The following PCGF3 variants were observed in gnomAD, a reference collection of about 807,000 sequenced individuals.
The protein encoded by PCGF3 is polycomb group RING finger protein 3.
Under a neutral mutation model 33.1 loss-of-function variants are expected in PCGF3, and 7 were observed. That is an observed-to-expected ratio of 0.21 (90% CI 0.12 to 0.40). The LOEUF (loss-of-function observed/expected upper bound fraction) is 0.40, where lower values mean the gene tolerates loss of function less well. PCGF3 is among the 10% of genes least tolerant of loss of function. PCGF3 has a pLI of 1.00. For synonymous variants in PCGF3, 153 were observed against 121.3 expected, an observed-to-expected ratio of 1.26 and a Z score of -1.72; for missense variants, 211 against 313.3, an observed-to-expected ratio of 0.67 and a Z score of 2.46.
intron 1 of PCGF3, among the ~76,000 whole-genome samples, chr4:726,483 C>G (rs554923450): frequency 7.2e-4 from 109 of 152,364 alleles, no homozygotes; most frequent in Non-Finnish European, 1.2e-3. Flanking sequence ...CGAAATTTCC[C>G]TCAGGCCTTG....
chr4:730,029 GTCCC>G (rs1182218659), intron 1 of PCGF3, among the ~76,000 whole-genome samples: 1 of 152,058 alleles, frequency 6.6e-6, no homozygotes, highest in African/African-American at 2.4e-5. Flanking sequence ...TGGGGACTGT[GTCCC>G]TCCCCTGCCC....
chr4:744,646 G>C (rs1560210239), exon 8 of PCGF3: 1 of 1,561,542 alleles, frequency 6.4e-7, no homozygotes. Context: ...CCGCGGAGGA[G>C]AAGCCGGAGG....
At chr4:722,929 C>T (rs1743167935) in intron 1 of PCGF3, among the ~76,000 whole-genome samples, 2 of 133,516 alleles carry the variant, frequency 1.5e-5, no homozygotes, top group African/African-American at 2.9e-5. Flanking sequence ...TCGCCATCCA[C>T]GCCGGGTCCA....
At chr4:737,387 G>T in intron 5 of PCGF3, 79 bp from the exon 6 acceptor site, 2 of 944,432 alleles carry the variant, frequency 2.1e-6, no homozygotes, top group South Asian at 2.7e-5. Flanking sequence ...TCTGAACTTT[G>T]ATATTGTTAA....
intron 6 of PCGF3, among the ~76,000 whole-genome samples, chr4:740,996 C>T (rs183421912): frequency 1.8e-4 from 28 of 152,324 alleles, no homozygotes; most frequent in East Asian, 5.8e-4. Flanking sequence ...GGCTGCACTT[C>T]GAAGCCGCAG....
chr4:728,156 G>A (rs1027020349), intron 1 of PCGF3, among the ~76,000 whole-genome samples: 3 of 152,188 alleles, frequency 2.0e-5, no homozygotes, highest in South Asian at 2.1e-4. Context: ...AGGTGCACCC[G>A]GTTTAATAGT....
chr4:727,384 G>C (rs1743377403), intron 1 of PCGF3, among the ~76,000 whole-genome samples: 1 of 151,840 alleles, frequency 6.6e-6, no homozygotes, highest in Non-Finnish European at 1.5e-5. Context: ...GGGAGTACAG[G>C]CACCTGCCAT....
chr4:716,831 G>A (rs535272834), intron 1 of PCGF3, among the ~76,000 whole-genome samples: 3 of 142,636 alleles, frequency 2.1e-5, no homozygotes, highest in South Asian at 2.3e-4. Flanking sequence ...AGAACTGGGC[G>A]TCGGTGCTGG....
chr4:725,390 G>C (rs922114148), intron 1 of PCGF3, among the ~76,000 whole-genome samples: 5 of 152,252 alleles, frequency 3.3e-5, no homozygotes, highest in African/African-American at 1.2e-4. Context: ...TAGACGTGGG[G>C]TGTGTAGGCT....
chr4:761,202 A>T (rs1745036892), intron 8 of PCGF3, 77 bp from the exon 9 acceptor site: 1 of 1,270,904 alleles, frequency 7.9e-7, no homozygotes, highest in East Asian at 2.7e-5. Flanking sequence ...GGAATTAGTG[A>T]AATATGTCTA....
exon 5 of PCGF3, chr4:734,960 G>A: frequency 1.2e-6 from 2 of 1,613,824 alleles, no homozygotes; most frequent in Non-Finnish European, 1.7e-6. Flanking sequence ...GAAGTACCTG[G>A]AGGAGAACAA....
chr4:717,652 A>T (rs1742912819), intron 1 of PCGF3, among the ~76,000 whole-genome samples: 2 of 152,192 alleles, frequency 1.3e-5, no homozygotes, highest in South Asian at 4.1e-4. Flanking sequence ...TGCTGGGATT[A>T]CAAGTGTGAG....
At chr4:751,356 C>T (rs956594112) in intron 8 of PCGF3, among the ~76,000 whole-genome samples, 6 of 152,130 alleles carry the variant, frequency 3.9e-5, no homozygotes, top group East Asian at 3.8e-4. Flanking sequence ...TTTGATGCGA[C>T]GTTATAGTTA....
intron 8 of PCGF3, among the ~76,000 whole-genome samples, chr4:760,693 G>A (rs538486473): frequency 7.4e-4 from 112 of 152,316 alleles, no homozygotes; most frequent in Middle Eastern, 3.4e-3. Flanking sequence ...GGGCCAAGCC[G>A]GCCGGGCCCT....
At chr4:716,660 G>T (rs1286217937) in intron 1 of PCGF3, among the ~76,000 whole-genome samples, 1 of 131,716 alleles carries the variant, frequency 7.6e-6, no homozygotes. Context: ...ACTGGGTGTC[G>T]GTGCTGGGAC....
At position 748,146 on chromosome 4, in the gene PCGF3, G is replaced by A. The variant is rs564065135; in HGVS notation, c.462+3458G>A. Among the ~76,000 whole-genome samples the A allele has an allele frequency of 1.1e-4, 17 of 152,270 alleles. No homozygotes were observed. The South Asian group carries it at 3.3e-3, about 30-fold the overall frequency. Reference sequence around the variant, plus strand: ...CCAGATGAAGACAGAAAAACTACACGGTCACAGAGATGCAGTAAAAGAATT... The same window carrying A: ...CCAGATGAAGACAGAAAAACTACACAGTCACAGAGATGCAGTAAAAGAATT... On this transcript the variant is annotated intron_variant, in intron 8 of 10. Transcript: ENST00000362003.
In PCGF3 at chr4:753,809, A is replaced by G. The variant is rs191186437; in HGVS notation, c.463-7470A>G. Among the ~76,000 whole-genome samples, 23 of 151,556 alleles carry G rather than the reference A, an allele frequency of 1.5e-4. No homozygotes were observed. In the East Asian group the frequency reaches 2.0e-3, roughly 13 times the overall value. On this transcript the variant is annotated intron_variant, in intron 8 of 10. Transcript: ENST00000362003. ...CTAAAATACAAAAAATTAGCCGGGCATGGTGGTGGGTGCCTGTAATCCCAG... is the reference window on the plus strand; with the variant it reads ...CTAAAATACAAAAAATTAGCCGGGCGTGGTGGTGGGTGCCTGTAATCCCAG...
At chr4:740,227 C>G (rs1049397808) in intron 6 of PCGF3, among the ~76,000 whole-genome samples, 2 of 152,240 alleles carry the variant, frequency 1.3e-5, no homozygotes, top group African/African-American at 4.8e-5. Flanking sequence ...GACGCCAACA[C>G]GGTCCTGCCC....
intron 8 of PCGF3, among the ~76,000 whole-genome samples, chr4:755,515 G>C (rs553441203): frequency 6.6e-6 from 1 of 152,088 alleles, no homozygotes; most frequent in Non-Finnish European, 1.5e-5. Flanking sequence ...GGCTTTCTTC[G>C]ACCTATCATC....
Sources: gnomAD v4.1 joint callset for allele counts (sites outside exome capture counted in the v4.1 genomes callset) on GRCh38, gnomAD v4.1.1 for gene constraint, MANE v1.5 for transcripts, NCBI Gene and HGNC (gene_info 2026-07-23, HGNC 2026-07-21) for gene names.